ZDHHC14: variants seen among roughly 807,000 people sequenced by gnomAD.
The protein encoded by ZDHHC14 is zDHHC palmitoyltransferase 14, also known as palmitoyltransferase ZDHHC14.
In ZDHHC14, 16 loss-of-function variants were observed where a neutral mutation model predicts 47.7. The observed-to-expected ratio is 0.34, with a 90% CI of 0.23 to 0.51. The LOEUF is 0.51. Ranked by LOEUF, ZDHHC14 falls within the 20% of genes least tolerant of loss-of-function variation. The pLI is 0.97. For synonymous variants in ZDHHC14, 293 were observed against 278.9 expected (o/e 1.05, Z -0.50); for missense variants, 515 against 662.5 (o/e 0.78, Z 2.44).
At chr6:157,524,523 G>A (rs965420907) in intron 1 of ZDHHC14, among the ~76,000 whole-genome samples, 1 of 152,110 alleles carries the variant, frequency 6.6e-6, no homozygotes, top group Non-Finnish European at 1.5e-5. Flanking sequence ...ACATATACAC[G>A]TTTTCTCTTT....
rs1191863233 is a variant in ZDHHC14 at position 157,557,876 on chromosome 6, G to A, written c.406+15131G>A. 2.0e-5 allele frequency among the ~76,000 whole-genome samples: 3 copies of A among 152,200 alleles called. No homozygotes were observed. The East Asian group carries it at 5.8e-4, about 29-fold the overall frequency. On this transcript the variant is annotated intron_variant, in intron 2 of 8. Coordinates refer to ENST00000359775, the MANE Select transcript of ZDHHC14 (RefSeq NM_024630.3). The stretch of plus-strand genomic sequence containing the variant: ...GCTCTCACTTCCGTCACCCTTATTG[G>A]GATAAATAGTGAATTTCCCCTGATT...
intron 4 of ZDHHC14, among the ~76,000 whole-genome samples, chr6:157,628,765 C>G (rs1046971113): frequency 1.3e-5 from 2 of 152,152 alleles, no homozygotes; most frequent in African/African-American, 4.8e-5. Context: ...AATACCTCCT[C>G]CTTGATACGC....
chr6:157,438,343 G>A (rs1323253755), intron 1 of ZDHHC14, among the ~76,000 whole-genome samples: 1 of 152,118 alleles, frequency 6.6e-6, no homozygotes, highest in African/African-American at 2.4e-5. Context: ...TATTTTGCAG[G>A]GAGAGGAAGG....
At chr6:157,570,780 T>TACAC (rs199785514) in intron 2 of ZDHHC14, among the ~76,000 whole-genome samples, 10 of 150,276 alleles carry the variant, frequency 6.7e-5, no homozygotes, top group African/African-American at 2.2e-4. Context: ...CATATATATA[T>TACAC]ACACACACAC....
intron 1 of ZDHHC14, among the ~76,000 whole-genome samples, chr6:157,452,940 A>G (rs147929638): frequency 6.6e-6 from 1 of 152,074 alleles, no homozygotes; most frequent in African/African-American, 2.4e-5. Context: ...CCTAATCTCA[A>G]ATGATCCACC....
At chr6:157,647,465 C>T (rs759540077) in intron 7 of ZDHHC14, 97 bp downstream of exon 7, 132 of 830,948 alleles carry the variant, frequency 1.6e-4, no homozygotes, top group Non-Finnish European at 1.9e-4. Flanking sequence ...AATGGGTCGC[C>T]GCCACCACGT....
At chr6:157,565,902 A>C (rs1250933231) in intron 2 of ZDHHC14, among the ~76,000 whole-genome samples, 1 of 151,980 alleles carries the variant, frequency 6.6e-6, no homozygotes, top group Non-Finnish European at 1.5e-5. Context: ...TGTTATATAC[A>C]CCTAAGAGAC....
chr6:157,612,420 G>A (rs577054743), intron 3 of ZDHHC14, among the ~76,000 whole-genome samples: 1 of 152,254 alleles, frequency 6.6e-6, no homozygotes, highest in African/African-American at 2.4e-5. Context: ...GGCTTGCACC[G>A]TAGTCCTGCA....
At chr6:157,538,625 G>C (rs1360494869) in intron 1 of ZDHHC14, among the ~76,000 whole-genome samples, 1 of 152,168 alleles carries the variant, frequency 6.6e-6, no homozygotes, top group Non-Finnish European at 1.5e-5. Flanking sequence ...TTTTAATCTA[G>C]TGAGGTGCAT....
intron 2 of ZDHHC14, among the ~76,000 whole-genome samples, chr6:157,543,614 G>C (rs1013727785): frequency 2.6e-5 from 4 of 152,226 alleles, no homozygotes; most frequent in African/African-American, 9.6e-5. Context: ...AGAAGATAGA[G>C]CTGTGGATCT....
At chr6:157,672,647 C>CGGGCAG in intron 8 of ZDHHC14, 77 bp from the exon 9 acceptor site, 1 of 871,766 alleles carries the variant, frequency 1.1e-6, no homozygotes, top group Non-Finnish European at 1.7e-6. Context: ...CGCCCGTGCC[C>CGGGCAG]TGTCCCCATC....
chr6:157,539,202 G>C (rs1181886597), intron 1 of ZDHHC14, among the ~76,000 whole-genome samples: 5 of 151,970 alleles, frequency 3.3e-5, no homozygotes, highest in African/African-American at 9.7e-5. Flanking sequence ...TCGAGCCCAG[G>C]AGTTTGAGAC....
intron 3 of ZDHHC14, among the ~76,000 whole-genome samples, chr6:157,611,383 G>A (rs577740853): frequency 2.6e-5 from 4 of 152,262 alleles, no homozygotes; most frequent in African/African-American, 7.2e-5. Context: ...AAGGTATCAC[G>A]TCTTTTTTAT....
chr6:157,480,681 A>C (rs1779605355), intron 1 of ZDHHC14, among the ~76,000 whole-genome samples: 3 of 152,198 alleles, frequency 2.0e-5, no homozygotes, highest in Middle Eastern at 3.2e-3. Context: ...ATTGGATCAG[A>C]TGATCATGGT....
intron 1 of ZDHHC14, among the ~76,000 whole-genome samples, chr6:157,452,271 C>A (rs1382417563): frequency 6.6e-6 from 1 of 151,130 alleles, no homozygotes; most frequent in South Asian, 2.1e-4. Context: ...TAACTAGACT[C>A]ACTTGAAAAG....
chr6:157,534,042 G>A (rs953094007), intron 1 of ZDHHC14, among the ~76,000 whole-genome samples: 3 of 152,182 alleles, frequency 2.0e-5, no homozygotes, highest in South Asian at 2.1e-4. Context: ...TAGATTGGAT[G>A]AAACAAGAAT....
At chr6:157,658,923 G>T (rs1778225102) in intron 8 of ZDHHC14, among the ~76,000 whole-genome samples, 1 of 152,158 alleles carries the variant, frequency 6.6e-6, no homozygotes, top group African/African-American at 2.4e-5. Flanking sequence ...CAATTTGCCA[G>T]GAAAGCCATT....
At chr6:157,480,134 A>G (rs1256133737) in intron 1 of ZDHHC14, among the ~76,000 whole-genome samples, 1 of 152,096 alleles carries the variant, frequency 6.6e-6, no homozygotes, top group African/African-American at 2.4e-5. Context: ...AAGAGAGGAC[A>G]CTGGGAGAGG....
chr6:157,620,369 A>G (rs1336679855), intron 3 of ZDHHC14, among the ~76,000 whole-genome samples: 1 of 152,178 alleles, frequency 6.6e-6, no homozygotes, highest in Non-Finnish European at 1.5e-5. Context: ...CTCAATTACC[A>G]TAGTCAGATT....
Sources: allele counts gnomAD v4.1 joint callset (sites outside exome capture counted in the v4.1 genomes callset), GRCh38; gene constraint gnomAD v4.1.1; transcripts MANE v1.5; gene names NCBI Gene and HGNC (gene_info 2026-07-23, HGNC 2026-07-21).